ARMC3: variants seen among roughly 807,000 people sequenced by gnomAD.
ARMC3 encodes the protein armadillo repeat containing 3, also known as armadillo repeat-containing protein 3.
ARMC3 carries 74 observed loss-of-function variants against 90.3 expected under a neutral mutation model. The observed-to-expected ratio is 0.82, with a 90% CI of 0.68 to 0.99. The LOEUF (loss-of-function observed/expected upper bound fraction) is 0.99. Ranked by LOEUF, ARMC3 falls within the 50% of genes least tolerant of loss-of-function variation. The pLI is 0.00. For synonymous variants in ARMC3, 334 were observed against 361.8 expected, an observed-to-expected ratio of 0.92 and a Z score of 0.87; for missense variants, 958 against 1,042.8, an observed-to-expected ratio of 0.92 and a Z score of 1.12.
Position 22,981,365 on chromosome 10 carries a change from AC to A in ARMC3, c.943del (p.Gln315LysfsTer8), listed in dbSNP as rs764650540. 2.8e-5 allele frequency: 45 copies of A among 1,605,116 alleles called. No homozygotes were observed. The East Asian group carries it at 9.8e-4, about 35-fold the overall frequency. ...DPENRKLFHE[Q>X]EVEKCLVALL... is the part of the protein sequence containing the mutation. ...CTGAAAATAGAAAACTTTTTCATGAACAAGAGGTTGAAAAGTGCCTTGTAGC... is the reference window on the plus strand; with the variant it reads ...CTGAAAATAGAAAACTTTTTCATGAAAAGAGGTTGAAAAGTGCCTTGTAGC... On this transcript the variant is annotated frameshift_variant, in exon 9 of 19. Transcript: ENST00000298032. LOFTEE classifies it high-confidence loss of function.
chr10:23,012,310 T>C (rs1290886165), intron 16 of ARMC3, among the ~76,000 whole-genome samples: 2 of 152,208 alleles, frequency 1.3e-5, no homozygotes, highest in East Asian at 3.9e-4. Context: ...CATGTCGCTT[T>C]GTTCTATAGA....
intron 8 of ARMC3, among the ~76,000 whole-genome samples, chr10:22,974,636 T>G (rs963389911): frequency 1.6e-4 from 25 of 151,982 alleles, no homozygotes; most frequent in African/African-American, 3.1e-4. Context: ...ATCTGTTTTT[T>G]TTTGTTTGTT....
chr10:23,030,883 C>A, intron 17 of ARMC3, 87 bp downstream of exon 17: 2 of 1,396,726 alleles, frequency 1.4e-6, no homozygotes, highest in Non-Finnish European at 1.9e-6. Context: ...GACAAATACA[C>A]CATAAATAAA....
chr10:22,949,954 T>C (rs1834679119), intron 3 of ARMC3, among the ~76,000 whole-genome samples: 1 of 152,090 alleles, frequency 6.6e-6, no homozygotes, highest in Non-Finnish European at 1.5e-5. Flanking sequence ...TCAGAAGTTA[T>C]GCAAGTGAGA....
chr10:23,033,486 C>T (rs1326102556), intron 18 of ARMC3, among the ~76,000 whole-genome samples: 1 of 152,028 alleles, frequency 6.6e-6, no homozygotes, highest in Non-Finnish European at 1.5e-5. Flanking sequence ...CAAGCGTATA[C>T]TAAACAGAGA....
chr10:22,950,171 C>CT lies in ARMC3; in HGVS notation c.166+3911dup, dbSNP rs1338511389. Among the ~76,000 whole-genome samples, 5 of 151,974 alleles carry CT rather than the reference C, an allele frequency of 3.3e-5. No individual in the cohort carries two copies. The East Asian group carries it at 9.7e-4, about 29-fold the overall frequency. ...CCTTTTAGGCAGAAGGAAACTAACA[C>CT]TAGATGGAAACATGGATCTACAAAA... On this transcript the variant is annotated intron_variant, in intron 3 of 18. Coordinates refer to ENST00000298032, the MANE Select transcript of ARMC3 (RefSeq NM_173081.5).
chr10:22,993,038 G>C (rs1836779388), intron 10 of ARMC3, among the ~76,000 whole-genome samples: 1 of 152,188 alleles, frequency 6.6e-6, no homozygotes, highest in Non-Finnish European at 1.5e-5. Flanking sequence ...TGTAATCACT[G>C]TTAACAAACA....
At chr10:23,027,715 C>G (rs1459644234) in intron 16 of ARMC3, among the ~76,000 whole-genome samples, 1 of 152,104 alleles carries the variant, frequency 6.6e-6, no homozygotes. Context: ...TCAGCCTTTC[C>G]TTCTTTATTC....
chr10:22,946,419 TC>T (rs1470964578), intron 3 of ARMC3, 158 bp downstream of exon 3: 1 of 492,144 alleles, frequency 2.0e-6, no homozygotes, highest in Non-Finnish European at 3.6e-6. Context: ...AAGAGCAATC[TC>T]TCTTCCTGAG....
At chr10:23,030,983 A>G in intron 17 of ARMC3, 187 bp downstream of exon 17, 2 of 583,648 alleles carry the variant, frequency 3.4e-6, no homozygotes, top group Non-Finnish European at 5.6e-6. Flanking sequence ...GTTCACTAAG[A>G]ATCAGAGATA....
intron 4 of ARMC3, among the ~76,000 whole-genome samples, chr10:22,957,919 A>G (rs1376269486): frequency 1.3e-5 from 2 of 152,210 alleles, no homozygotes; most frequent in South Asian, 4.1e-4. Flanking sequence ...TTTTGTGGCC[A>G]GGCATGGTGG....
In ARMC3 at chr10:22,963,931, A is replaced by C. The variant is rs1416938407; in HGVS notation, c.732+1853A>C. On this transcript the variant is annotated intron_variant, in intron 7 of 18. Coordinates refer to ENST00000298032, the MANE Select transcript of ARMC3 (RefSeq NM_173081.5). ...CACACACACACACACACAAAAAAAA[A>C]AAAAAAAAAAAAAAAAAAAGACTAA... Among the ~76,000 whole-genome samples, 542 of 103,440 alleles carry C rather than the reference A, an allele frequency of 5.2e-3. 3 individuals are homozygous for C. Among genetic ancestry groups the C allele is most frequent in the African/African-American group, 0.02 (505 of 24,998 alleles). The allele number at this position is 103,440 out of a possible 152,430, so 67.9% of individuals were successfully genotyped here.
intron 10 of ARMC3, among the ~76,000 whole-genome samples, chr10:22,985,557 A>G (rs1002317516): frequency 2.0e-5 from 3 of 152,116 alleles, no homozygotes; most frequent in African/African-American, 7.2e-5. Context: ...CAAATTGTAC[A>G]CAAAAGCCAT....
intron 11 of ARMC3, 148 bp downstream of exon 11, chr10:22,998,545 T>C: frequency 9.1e-7 from 1 of 1,100,866 alleles, no homozygotes; most frequent in African/African-American, 1.7e-5. Context: ...TGGCATTGTC[T>C]TGTCTTGTTT....
chr10:23,020,348 T>C (rs1020285526), intron 16 of ARMC3, among the ~76,000 whole-genome samples: 3 of 152,194 alleles, frequency 2.0e-5, no homozygotes, highest in Non-Finnish European at 2.9e-5. Context: ...ATGGCCAGGC[T>C]GGTCTCGAAC....
intron 11 of ARMC3, among the ~76,000 whole-genome samples, chr10:22,999,977 G>T (rs1166636952): frequency 6.6e-6 from 1 of 152,144 alleles, no homozygotes; most frequent in Non-Finnish European, 1.5e-5. Flanking sequence ...CATGCAGCCT[G>T]CAGGGAAGCC....
chr10:22,958,363 A>G (rs1022870070), intron 4 of ARMC3, among the ~76,000 whole-genome samples: 1 of 152,224 alleles, frequency 6.6e-6, no homozygotes, highest in Non-Finnish European at 1.5e-5. Context: ...AGGCTGGGTA[A>G]TCTTACTTGC....
chr10:23,002,146 T>TCCC (rs1359694330), intron 12 of ARMC3, 91 bp downstream of exon 12: 1 of 1,486,594 alleles, frequency 6.7e-7, no homozygotes. Flanking sequence ...TCAAGCCAAG[T>TCCC]CTCCGCTGCT....
intron 10 of ARMC3, among the ~76,000 whole-genome samples, chr10:22,993,527 CT>C (rs1324702729): frequency 6.6e-6 from 1 of 152,176 alleles, no homozygotes; most frequent in Non-Finnish European, 1.5e-5. Flanking sequence ...CACTTTCCCC[CT>C]CCCTTCTTCT....
Sources: gnomAD v4.1 joint callset for allele counts (sites outside exome capture counted in the v4.1 genomes callset) on GRCh38, gnomAD v4.1.1 for gene constraint, MANE v1.5 for transcripts, NCBI Gene and HGNC (gene_info 2026-07-23, HGNC 2026-07-21) for gene names.